DLG2: variants seen among roughly 807,000 people sequenced by gnomAD.
DLG2 encodes discs large MAGUK scaffold protein 2, also known as disks large homolog 2.
Under a neutral mutation model 132.5 loss-of-function variants are expected in DLG2, and 45 were observed. That is an observed-to-expected ratio of 0.34 (90% confidence interval 0.27 to 0.44). The LOEUF (loss-of-function observed/expected upper bound fraction) is 0.44. Among genes scored for constraint, DLG2 ranks in the 20% least tolerant of loss-of-function variants. DLG2 has a pLI of 1.00. For synonymous variants in DLG2, 424 were observed against 419.6 expected (o/e 1.01, Z -0.13); for missense variants, 1,045 against 1,196.9 (o/e 0.87, Z 1.87).
chr11:83,656,763 T>C (rs1482884478), intron 18 of DLG2, among the ~76,000 whole-genome samples: 2 of 152,180 alleles, frequency 1.3e-5, no homozygotes, highest in South Asian at 2.1e-4. Flanking sequence ...AATTAAAATA[T>C]TAATATGTGA....
intron 6 of DLG2, among the ~76,000 whole-genome samples, chr11:84,910,394 G>A (rs956541219): frequency 6.6e-6 from 1 of 152,094 alleles, no homozygotes; most frequent in South Asian, 2.1e-4. Flanking sequence ...CTAGTCAAAT[G>A]CTTTCCTAGA....
intron 7 of DLG2, among the ~76,000 whole-genome samples, chr11:84,267,441 A>G (rs1277670705): frequency 6.6e-6 from 1 of 152,028 alleles, no homozygotes; most frequent in Non-Finnish European, 1.5e-5. Flanking sequence ...CTTCTCTTCA[A>G]CTCCGTCCTT....
chr11:85,467,171 CTT>C (rs1238244888), intron 3 of DLG2, among the ~76,000 whole-genome samples: 8 of 152,154 alleles, frequency 5.3e-5, no homozygotes, highest in African/African-American at 1.9e-4. Flanking sequence ...TATCCTGAGA[CTT>C]TGCTGAAGTT....
chr11:83,541,001 G>A (rs765025174), intron 20 of DLG2, among the ~76,000 whole-genome samples: 11 of 152,058 alleles, frequency 7.2e-5, no homozygotes, highest in Non-Finnish European at 1.5e-4. Flanking sequence ...CTTTTCAAAA[G>A]CAGAGCTGAA....
At chr11:84,377,642 G>A (rs1392889369) in intron 7 of DLG2, among the ~76,000 whole-genome samples, 1 of 152,052 alleles carries the variant, frequency 6.6e-6, no homozygotes, top group East Asian at 1.9e-4. Flanking sequence ...ACAAAATGAC[G>A]ATTATAGAAT....
At chr11:83,652,654 G>C (rs900378100) in intron 18 of DLG2, among the ~76,000 whole-genome samples, 13 of 152,168 alleles carry the variant, frequency 8.5e-5, no homozygotes, top group African/African-American at 3.1e-4. Flanking sequence ...TTACGGGTGT[G>C]AGCCACTGCG....
chr11:84,280,215 T>C (rs2097839596), intron 7 of DLG2, among the ~76,000 whole-genome samples: 1 of 152,168 alleles, frequency 6.6e-6, no homozygotes, highest in African/African-American at 2.4e-5. Context: ...TGTGTCTCTA[T>C]ATACTAGCAA....
intron 21 of DLG2, among the ~76,000 whole-genome samples, chr11:83,499,966 G>A (rs1382496911): frequency 1.4e-5 from 2 of 143,246 alleles, no homozygotes; most frequent in African/African-American, 5.2e-5. Context: ...TCCTTTTGCT[G>A]GTAAAATAAC....
chr11:84,009,512 T>C (rs1019747470), intron 11 of DLG2, among the ~76,000 whole-genome samples: 13 of 152,070 alleles, frequency 8.5e-5, no homozygotes, highest in South Asian at 2.1e-4. Context: ...AGGGTGAATT[T>C]AGCAAGGAAA....
intron 3 of DLG2, among the ~76,000 whole-genome samples, chr11:85,375,833 A>C (rs2085359625): frequency 6.6e-6 from 1 of 152,204 alleles, no homozygotes; most frequent in African/African-American, 2.4e-5. Context: ...TGACAATACA[A>C]TTTGCATTCA....
At position 83,874,471 on chromosome 11, in the gene DLG2, G is replaced by A; in HGVS notation, c.1514C>T (p.Thr505Ile). ...SEMTSHSQHSTATRQPSMTLQ... is the reference protein window; with the variant it reads ...SEMTSHSQHSIATRQPSMTLQ... ...AGTCATTGAAGGCTGACGAGTTGCG[G>A]TGCTATGTTGGGAATGACTGCAAGA... Residue 505 changes from threonine to isoleucine, a missense_variant, in exon 16 of 28, where the codon ACC (threonine) becomes ATC (isoleucine). Transcript: ENST00000376104. 1 of 1,599,644 alleles carries A rather than the reference G, an allele frequency of 6.3e-7. No individual in the cohort carries two copies.
chr11:85,573,991 A>G (rs2077999950), intron 3 of DLG2, among the ~76,000 whole-genome samples: 1 of 152,200 alleles, frequency 6.6e-6, no homozygotes, highest in Non-Finnish European at 1.5e-5. Context: ...TGACATTTTC[A>G]AGAAATTGGG....
In DLG2 at chr11:84,527,893, TTCTCTCTCTCTCTC is replaced by T. The variant is rs60170305; in HGVS notation, c.519+6663_519+6676del. On this transcript the variant is annotated intron_variant, in intron 7 of 27. Coordinates refer to ENST00000376104, the MANE Select transcript of DLG2 (RefSeq NM_001142699.3). ...GAGGACAGCAGTTAACTCCCTCCCT[TTCTCTCTCTCTCTC>T]TCTCTCTCTCTCTCTCTCTCTCTCT... 4.0e-3 allele frequency among the ~76,000 whole-genome samples: 504 copies of T among 125,666 alleles called. 2 individuals are homozygous for T. Among genetic ancestry groups the T allele is most frequent in the Middle Eastern group, 8.7e-3 (2 of 230 alleles). 82.4% of individuals were successfully genotyped at this position (125,666 alleles called of 152,430 possible).
chr11:83,578,921 G>C (rs1049469829), intron 19 of DLG2, among the ~76,000 whole-genome samples: 6 of 152,190 alleles, frequency 3.9e-5, no homozygotes, highest in African/African-American at 1.4e-4. Flanking sequence ...AGACCACACA[G>C]ACAGTGAGTG....
chr11:83,953,178 A>T (rs2085910519), intron 14 of DLG2, among the ~76,000 whole-genome samples: 1 of 152,192 alleles, frequency 6.6e-6, no homozygotes, highest in African/African-American at 2.4e-5. Flanking sequence ...TGTATCTCAC[A>T]ATTTTCCTAT....
At chr11:85,310,247 C>T (rs1031310013) in intron 3 of DLG2, among the ~76,000 whole-genome samples, 1 of 152,180 alleles carries the variant, frequency 6.6e-6, no homozygotes, top group Non-Finnish European at 1.5e-5. Context: ...TAATTCTTTG[C>T]TCAGCATTCT....
chr11:85,318,342 G>C (rs1052249439), intron 3 of DLG2, among the ~76,000 whole-genome samples: 2 of 151,720 alleles, frequency 1.3e-5, no homozygotes, highest in Non-Finnish European at 2.9e-5. Flanking sequence ...AGAACTAGAG[G>C]CTCCTGATCA....
At chr11:83,953,825 A>T (rs1443285766) in intron 14 of DLG2, among the ~76,000 whole-genome samples, 1 of 152,206 alleles carries the variant, frequency 6.6e-6, no homozygotes, top group Admixed American at 6.5e-5. Flanking sequence ...TGTTCATGAT[A>T]GTGGTTAACT....
intron 6 of DLG2, among the ~76,000 whole-genome samples, chr11:84,702,511 T>C (rs2059320339): frequency 6.6e-6 from 1 of 151,704 alleles, no homozygotes; most frequent in Non-Finnish European, 1.5e-5. Flanking sequence ...GGTCTTTTGA[T>C]TCTTTTGTTT....
Sources: gnomAD v4.1 joint callset for allele counts (sites outside exome capture counted in the v4.1 genomes callset) on GRCh38, gnomAD v4.1.1 for gene constraint, MANE v1.5 for transcripts, NCBI Gene and HGNC (gene_info 2026-07-23, HGNC 2026-07-21) for gene names.